DSCAM: variants seen among roughly 807,000 people sequenced by gnomAD.
The protein encoded by DSCAM is DS cell adhesion molecule.
A neutral mutation model predicts 217.7 loss-of-function variants in DSCAM; 47 were observed. The observed-to-expected ratio is 0.22, with a 90% confidence interval of 0.17 to 0.28. The LOEUF (loss-of-function observed/expected upper bound fraction) is 0.28. DSCAM is among the 10% of genes least tolerant of loss of function. The pLI, the probability that DSCAM is intolerant of heterozygous loss-of-function variation, is 1.00. For synonymous variants in DSCAM, 1,056 were observed against 1,015.3 expected, an observed-to-expected ratio of 1.04 and a Z score of -0.76; for missense variants, 2,080 against 2,618.3, an observed-to-expected ratio of 0.79 and a Z score of 4.49.
chr21:40,241,959 A>G (rs2146943552), intron 11 of DSCAM, among the ~76,000 whole-genome samples: 1 of 152,280 alleles, frequency 6.6e-6, no homozygotes, highest in South Asian at 2.1e-4. Flanking sequence ...GAACTTATAA[A>G]CACAAAGAAG....
At chr21:40,280,407 T>G (rs2073745175) in intron 10 of DSCAM, among the ~76,000 whole-genome samples, 1 of 152,100 alleles carries the variant, frequency 6.6e-6, no homozygotes, top group South Asian at 2.1e-4. Context: ...TCAGACTGTC[T>G]GAAACTCTTG....
chr21:40,341,227 T>C (rs933141370), intron 6 of DSCAM, among the ~76,000 whole-genome samples: 1 of 152,232 alleles, frequency 6.6e-6, no homozygotes, highest in Non-Finnish European at 1.5e-5. Flanking sequence ...TCACATCCTG[T>C]GTTTAATTTT....
At chr21:40,155,502 G>A (rs960908134) in intron 16 of DSCAM, among the ~76,000 whole-genome samples, 3 of 152,188 alleles carry the variant, frequency 2.0e-5, no homozygotes, top group African/African-American at 7.2e-5. Context: ...GGCCAAGGAG[G>A]GCAGGGCAGG....
intron 1 of DSCAM, among the ~76,000 whole-genome samples, chr21:40,823,905 G>A (rs2091948395): frequency 6.6e-6 from 1 of 151,712 alleles, no homozygotes; most frequent in Non-Finnish European, 1.5e-5. Flanking sequence ...CCCTGTCAAT[G>A]ACTCCATTCT....
chr21:40,661,076 T>C (rs1374409346), intron 3 of DSCAM, among the ~76,000 whole-genome samples: 1 of 152,188 alleles, frequency 6.6e-6, no homozygotes, highest in African/African-American at 2.4e-5. Context: ...CTTCCGGAAA[T>C]AGAGCATTTT....
At chr21:40,710,499 A>G (rs1188363389) in intron 1 of DSCAM, among the ~76,000 whole-genome samples, 1 of 152,190 alleles carries the variant, frequency 6.6e-6, no homozygotes, top group Non-Finnish European at 1.5e-5. Flanking sequence ...CCATGGTTCT[A>G]TACGGACTTC....
At chr21:40,655,534 C>G (rs1387265591) in intron 3 of DSCAM, among the ~76,000 whole-genome samples, 1 of 151,850 alleles carries the variant, frequency 6.6e-6, no homozygotes, top group Non-Finnish European at 1.5e-5. Context: ...CCTTGACCTC[C>G]TGGGATCAAG....
intron 15 of DSCAM, among the ~76,000 whole-genome samples, chr21:40,174,471 T>C (rs2090699123): frequency 6.6e-6 from 1 of 151,548 alleles, no homozygotes; most frequent in Non-Finnish European, 1.5e-5. Context: ...CAGAGATCCA[T>C]AAACATTTCT....
At chr21:40,244,907 A>G (rs1305860330) in intron 11 of DSCAM, among the ~76,000 whole-genome samples, 1 of 152,102 alleles carries the variant, frequency 6.6e-6, no homozygotes, top group Non-Finnish European at 1.5e-5. Context: ...GCAATTAGCT[A>G]ATGAGACAGT....
At chr21:40,226,867 G>A (rs921087498) in intron 11 of DSCAM, among the ~76,000 whole-genome samples, 13 of 152,130 alleles carry the variant, frequency 8.5e-5, no homozygotes, top group African/African-American at 1.4e-4. Flanking sequence ...CCTAGTACCC[G>A]TTAGTTACTT....
intron 3 of DSCAM, among the ~76,000 whole-genome samples, chr21:40,369,655 A>T (rs944471240): frequency 7.2e-5 from 11 of 152,144 alleles, no homozygotes; most frequent in African/African-American, 2.7e-4. Context: ...GGGAATATTA[A>T]CTTTTTGTTG....
At chr21:40,270,744 G>GGGGGGCAGCTT (rs910313541) in intron 11 of DSCAM, among the ~76,000 whole-genome samples, 3 of 152,108 alleles carry the variant, frequency 2.0e-5, no homozygotes, top group Non-Finnish European at 4.4e-5. Context: ...GCTTCACCAT[G>GGGGGGCAGCTT]GGGGGCAGCT....
chr21:40,485,311 C>T (rs1219379522), intron 3 of DSCAM, among the ~76,000 whole-genome samples: 2 of 148,302 alleles, frequency 1.3e-5, no homozygotes, highest in Non-Finnish European at 3.0e-5. Context: ...GGCGCGATCT[C>T]GGCTCACTGC....
chr21:40,290,860 T>C (rs762531989), intron 10 of DSCAM, among the ~76,000 whole-genome samples: 27 of 152,160 alleles, frequency 1.8e-4, no homozygotes, highest in Admixed American at 3.9e-4. Flanking sequence ...GAGCACAAAA[T>C]CAATCTAACA....
chr21:40,478,526 A>G (rs1039599433), intron 3 of DSCAM, among the ~76,000 whole-genome samples: 5 of 152,214 alleles, frequency 3.3e-5, no homozygotes, highest in African/African-American at 1.2e-4. Context: ...TACTAAAATT[A>G]TAGCCACTTT....
At chr21:40,768,436 T>G (rs2091415111) in intron 1 of DSCAM, among the ~76,000 whole-genome samples, 1 of 151,898 alleles carries the variant, frequency 6.6e-6, no homozygotes. Flanking sequence ...CATTTTCTCA[T>G]CCAGTGCTCC....
intron 11 of DSCAM, among the ~76,000 whole-genome samples, chr21:40,217,369 A>G (rs1173093051): frequency 1.3e-5 from 2 of 152,212 alleles, no homozygotes; most frequent in Non-Finnish European, 2.9e-5. Flanking sequence ...TTGTCAACAT[A>G]ATACTACATA....
chr21:40,055,613 C>G (rs533109503), intron 29 of DSCAM, 112 bp downstream of exon 29: 56 of 746,132 alleles, frequency 7.5e-5, no homozygotes, highest in Non-Finnish European at 1.3e-4. Context: ...TTGGTACTCA[C>G]GTAGCCTTCA....
At chr21:40,725,687 A>C (rs2090948714) in intron 1 of DSCAM, among the ~76,000 whole-genome samples, 2 of 152,120 alleles carry the variant, frequency 1.3e-5, no homozygotes, top group African/African-American at 4.8e-5. Context: ...TGGAAAAAGC[A>C]TTTCTTTGTG....
Sources: allele counts gnomAD v4.1 joint callset (sites outside exome capture counted in the v4.1 genomes callset), GRCh38; gene constraint gnomAD v4.1.1; transcripts MANE v1.5; gene names NCBI Gene and HGNC (gene_info 2026-07-23, HGNC 2026-07-21).